Variants in PCDH9 observed in about 807,000 individuals in gnomAD.
PCDH9 encodes the protein protocadherin-9.
In PCDH9, 24 loss-of-function variants were observed where a neutral mutation model predicts 70.6. That is an observed-to-expected ratio of 0.34 (90% CI 0.25 to 0.48). PCDH9 has a LOEUF of 0.48. Ranked by LOEUF, PCDH9 falls within the 20% of genes least tolerant of loss-of-function variation. The pLI is 0.99. For synonymous variants in PCDH9, 562 were observed against 558.5 expected, an observed-to-expected ratio of 1.01 and a Z score of -0.09; for missense variants, 1,281 against 1,503.6, an observed-to-expected ratio of 0.85 and a Z score of 2.45.
intron 3 of PCDH9, among the ~76,000 whole-genome samples, chr13:66,779,549 G>A (rs559909015): frequency 2.6e-4 from 40 of 152,164 alleles, no homozygotes; most frequent in African/African-American, 6.7e-4. Context: ...ATGGCTGGGC[G>A]CGGTGGCTCA....
intron 4 of PCDH9, among the ~76,000 whole-genome samples, chr13:66,574,626 A>T (rs1460636443): frequency 6.6e-6 from 1 of 152,210 alleles, no homozygotes; most frequent in Non-Finnish European, 1.5e-5. Flanking sequence ...AAAAGATGAA[A>T]TCATATCTGT....
At chr13:66,709,161 A>G (rs538278799) in intron 3 of PCDH9, among the ~76,000 whole-genome samples, 1 of 152,284 alleles carries the variant, frequency 6.6e-6, no homozygotes, top group Admixed American at 6.5e-5. Context: ...AATTCACTGG[A>G]AAAATAACAT....
chr13:66,550,264 A>G (rs941004925), intron 4 of PCDH9, among the ~76,000 whole-genome samples: 4 of 151,184 alleles, frequency 2.6e-5, no homozygotes, highest in South Asian at 4.2e-4. Flanking sequence ...GAAAGTTCAT[A>G]AAACCCTTAT....
intron 4 of PCDH9, among the ~76,000 whole-genome samples, chr13:66,403,415 G>C (rs999937177): frequency 2.0e-5 from 3 of 151,908 alleles, no homozygotes; most frequent in Admixed American, 6.6e-5. Flanking sequence ...CCAAAGTTTG[G>C]ATGTAAAATT....
chr13:66,804,145 C>G (rs2139346506), intron 3 of PCDH9, among the ~76,000 whole-genome samples: 1 of 152,314 alleles, frequency 6.6e-6, no homozygotes, highest in Non-Finnish European at 1.5e-5. Flanking sequence ...TTAATTTACT[C>G]ATACACATCT....
intron 2 of PCDH9, among the ~76,000 whole-genome samples, chr13:66,968,610 G>T (rs2083467909): frequency 1.3e-5 from 2 of 152,000 alleles, no homozygotes; most frequent in African/African-American, 4.8e-5. Flanking sequence ...CTTTGATTCT[G>T]TTAATCGGCT....
At chr13:66,559,073 T>C (rs1961874536) in intron 4 of PCDH9, among the ~76,000 whole-genome samples, 1 of 152,170 alleles carries the variant, frequency 6.6e-6, no homozygotes, top group Non-Finnish European at 1.5e-5. Context: ...TAGTTTCTCT[T>C]GTGCAGTGAC....
At chr13:66,749,134 A>C (rs1007998252) in intron 3 of PCDH9, among the ~76,000 whole-genome samples, 1 of 152,184 alleles carries the variant, frequency 6.6e-6, no homozygotes, top group African/African-American at 2.4e-5. Context: ...TTTCCTTTAG[A>C]AATTACCCAG....
chr13:66,354,165 A>G (rs1181718490), intron 4 of PCDH9, among the ~76,000 whole-genome samples: 1 of 151,842 alleles, frequency 6.6e-6, no homozygotes, highest in Non-Finnish European at 1.5e-5. Context: ...TTTTAACTTT[A>G]CCCAAAGAGG....
intron 4 of PCDH9, among the ~76,000 whole-genome samples, chr13:66,324,608 T>A (rs550380630): frequency 3.9e-5 from 6 of 152,008 alleles, no homozygotes; most frequent in South Asian, 2.1e-4. Flanking sequence ...TAGCCTAAAG[T>A]GAAAATGCAG....
At chr13:66,791,247 A>G (rs1279881892) in intron 3 of PCDH9, among the ~76,000 whole-genome samples, 2 of 152,118 alleles carry the variant, frequency 1.3e-5, no homozygotes, top group Non-Finnish European at 2.9e-5. Context: ...GTCATAAAAC[A>G]CAGGATTTAA....
chr13:66,387,152 A>G (rs1956943607), intron 4 of PCDH9, among the ~76,000 whole-genome samples: 1 of 152,180 alleles, frequency 6.6e-6, no homozygotes, highest in South Asian at 2.1e-4. Context: ...GATTCAAAGC[A>G]TCTTCTTAAT....
chr13:66,378,449 C>G (rs529789035), intron 4 of PCDH9, among the ~76,000 whole-genome samples: 14 of 152,192 alleles, frequency 9.2e-5, no homozygotes, highest in African/African-American at 2.6e-4. Flanking sequence ...ATGTGTTTAA[C>G]TGTAAATTTT....
At chr13:66,557,374 T>C (rs912610104) in intron 4 of PCDH9, among the ~76,000 whole-genome samples, 1 of 152,204 alleles carries the variant, frequency 6.6e-6, no homozygotes, top group African/African-American at 2.4e-5. Flanking sequence ...TAACAAACAA[T>C]ATATTCACTG....
At chr13:66,794,172 TA>T (rs1487239132) in intron 3 of PCDH9, among the ~76,000 whole-genome samples, 3 of 151,764 alleles carry the variant, frequency 2.0e-5, no homozygotes, top group South Asian at 2.1e-4. Context: ...CCCATTAAAA[TA>T]AAAAACGTAG....
At chr13:66,849,680 T>C (rs1290108819) in intron 3 of PCDH9, among the ~76,000 whole-genome samples, 1 of 152,014 alleles carries the variant, frequency 6.6e-6, no homozygotes, top group Non-Finnish European at 1.5e-5. Flanking sequence ...ATTAAGTCAT[T>C]TGAAGAAGGC....
intron 3 of PCDH9, among the ~76,000 whole-genome samples, chr13:66,743,429 G>T (rs1385872640): frequency 1.4e-5 from 2 of 147,930 alleles, no homozygotes; most frequent in African/African-American, 5.0e-5. Flanking sequence ...CACCAGCATG[G>T]CACATGTATA....
chr13:66,520,978 T>G (rs1427660316), intron 4 of PCDH9, among the ~76,000 whole-genome samples: 1 of 152,110 alleles, frequency 6.6e-6, no homozygotes, highest in African/African-American at 2.4e-5. Context: ...TTAGGCAATA[T>G]TTTCCCCATT....
At chr13:66,481,458 A>G (rs1175645913) in intron 4 of PCDH9, among the ~76,000 whole-genome samples, 1 of 152,234 alleles carries the variant, frequency 6.6e-6, no homozygotes, top group Non-Finnish European at 1.5e-5. Context: ...TTCTAGCTAT[A>G]AAGTATTCAT....
Sources: allele counts gnomAD v4.1 joint callset (sites outside exome capture counted in the v4.1 genomes callset), GRCh38; gene constraint gnomAD v4.1.1; transcripts MANE v1.5; gene names NCBI Gene and HGNC (gene_info 2026-07-23, HGNC 2026-07-21).